GOLGA4: variants seen among roughly 807,000 people sequenced by gnomAD.
The protein encoded by GOLGA4 is golgin A4.
In GOLGA4, 169 loss-of-function variants were observed where a neutral mutation model predicts 265.9. That is an observed-to-expected ratio of 0.64 (90% CI 0.56 to 0.72). The LOEUF (loss-of-function observed/expected upper bound fraction) is 0.72. Ranked by LOEUF, GOLGA4 falls within the 30% of genes least tolerant of loss-of-function variation. The pLI, the probability that GOLGA4 is intolerant of heterozygous loss-of-function variation, is 0.00. For synonymous variants in GOLGA4, 923 were observed against 855.8 expected (o/e 1.08, Z -1.37); for missense variants, 2,482 against 2,483.4 (o/e 1.00, Z 0.01).
At chr3:37,321,605 T>C (rs1438845080) in intron 12 of GOLGA4, 126 bp from the exon 13 acceptor site, 2 of 783,522 alleles carry the variant, frequency 2.6e-6, no homozygotes, top group East Asian at 2.6e-5. Flanking sequence ...AGGAGAGAGA[T>C]GATGACGTTA....
At chr3:37,305,814 A>G (rs1221051512) in intron 10 of GOLGA4, among the ~76,000 whole-genome samples, 1 of 152,200 alleles carries the variant, frequency 6.6e-6, no homozygotes, top group Admixed American at 6.5e-5. Flanking sequence ...ATTGCTGGTA[A>G]TTCTTGATGT....
intron 5 of GOLGA4, among the ~76,000 whole-genome samples, chr3:37,293,067 T>C (rs370166942): frequency 6.6e-6 from 1 of 152,240 alleles, no homozygotes; most frequent in African/African-American, 2.4e-5. Flanking sequence ...AGGGAGTTGC[T>C]TATAATTCTT....
rs146129357 is a variant in GOLGA4, at chr3:37,254,768, C to G, written c.162+3284C>G. On this transcript the variant is annotated intron_variant, in intron 2 of 23. Coordinates refer to ENST00000361924, the MANE Select transcript of GOLGA4 (RefSeq NM_002078.5). ...CTGCCTGCCTCGGCCTCCCAAAGTGCTGGGATTACGGGCGCGAGCCACTGT... is the reference window on the plus strand; with the variant it reads ...CTGCCTGCCTCGGCCTCCCAAAGTGGTGGGATTACGGGCGCGAGCCACTGT... 5.9e-3 allele frequency among the ~76,000 whole-genome samples: 895 copies of G among 150,772 alleles called. 6 individuals carry two copies. Among genetic ancestry groups the G allele is most frequent in the African/African-American group, 0.021 (848 of 41,310 alleles).
chr3:37,354,149 A>T (rs1033334146), intron 21 of GOLGA4, among the ~76,000 whole-genome samples: 7 of 151,940 alleles, frequency 4.6e-5, no homozygotes, highest in Non-Finnish European at 1.0e-4. Context: ...AGTCTCCAAA[A>T]TTTTTGGTTA....
intron 2 of GOLGA4, among the ~76,000 whole-genome samples, chr3:37,268,351 T>A (rs1003066830): frequency 6.6e-6 from 1 of 152,136 alleles, no homozygotes; most frequent in Non-Finnish European, 1.5e-5. Flanking sequence ...CACAAAGTGC[T>A]TGGATTACAG....
At position 37,275,783 on chromosome 3, in the gene GOLGA4, C is replaced by T. The variant is rs2096815833; in HGVS notation, c.163-6175C>T. The stretch of plus-strand genomic sequence containing the variant: ...TGGAGCATTGGATTTGCTAAAGGAG[C>T]TTAAGAATATTCCTATGACCCTGGA... On this transcript the variant is annotated intron_variant, in intron 2 of 23. Coordinates refer to ENST00000361924, the MANE Select transcript of GOLGA4 (RefSeq NM_002078.5). 1.9e-5 allele frequency: 31 copies of T among 1,613,444 alleles called. 2 individuals carry two copies. The South Asian group carries it at 2.5e-4, about 13-fold the overall frequency.
In GOLGA4 at chr3:37,335,041, T is replaced by C; in HGVS notation, c.6193-12T>C. On this transcript the variant is annotated splice_polypyrimidine_tract_variant and intron_variant, in intron 16 of 23. Transcript: ENST00000361924. ...TTCTTTTCCTTTTTTTCTTTTTTTT[T>C]AAATCCTAAAGGCTCGTGAAGAAGA... 6.8e-7 allele frequency: 1 copy of C among 1,470,524 alleles called. No homozygotes were observed. Among genetic ancestry groups the C allele is most frequent in the Non-Finnish European group, 9.3e-7 (1 of 1,079,708 alleles). The allele number at this position is 1,470,524 out of a possible 1,614,324, so 91.1% of individuals were successfully genotyped here. A position where few individuals can be genotyped will look rare whatever the true frequency, so the allele number is the denominator to read the frequency against.
At chr3:37,296,284 ACCTTTAATC>A in intron 7 of GOLGA4, 65 bp downstream of exon 7, 1 of 1,519,876 alleles carries the variant, frequency 6.6e-7, no homozygotes, top group Non-Finnish European at 9.0e-7. Context: ...CTTGGCTTAC[ACCTTTAATC>A]CCAACACTTT....
At chr3:37,262,302 T>C (rs61352501) in intron 2 of GOLGA4, among the ~76,000 whole-genome samples, 160 of 152,170 alleles carry the variant, frequency 1.1e-3, no homozygotes, top group African/African-American at 3.3e-3. Flanking sequence ...GGCCAGGAGT[T>C]CAAGACCAGC....
intron 23 of GOLGA4, among the ~76,000 whole-genome samples, chr3:37,364,008 T>G (rs564616068): frequency 1.3e-5 from 2 of 152,332 alleles, no homozygotes; most frequent in Middle Eastern, 6.8e-3. Context: ...CTTCTTTAGG[T>G]TCCTAGGACC....
chr3:37,278,813 C>CTTTTTT (rs1267375433), intron 2 of GOLGA4, among the ~76,000 whole-genome samples: 1 of 131,398 alleles, frequency 7.6e-6, no homozygotes. Flanking sequence ...AGTTTGTTTA[C>CTTTTTT]TTTTTTTTTT....
At chr3:37,323,116 CTTT>C (rs567838649) in intron 13 of GOLGA4, among the ~76,000 whole-genome samples, 38,854 of 113,396 alleles carry the variant, frequency 0.34, 6,506 homozygotes, top group Non-Finnish European at 0.41. Context: ...TTCCTTTTGT[CTTT>C]TTTTTTTTTT....
intron 3 of GOLGA4, among the ~76,000 whole-genome samples, chr3:37,284,422 G>C (rs1398781141): frequency 6.6e-6 from 1 of 151,916 alleles, no homozygotes; most frequent in African/African-American, 2.4e-5. Context: ...CTCAGCTAAT[G>C]TTTGCGTTTT....
chr3:37,243,480 C>G lies in GOLGA4; in HGVS notation c.-71C>G. On this transcript the variant is annotated 5_prime_UTR_variant, in exon 1 of 24. Transcript: ENST00000361924. Reference sequence around the variant, plus strand: ...GGTGTAAAGAAGTCGCCGTAGCCGTCGCGGCCGGGACTCCCCGGGCTCTCG... The same window carrying G: ...GGTGTAAAGAAGTCGCCGTAGCCGTGGCGGCCGGGACTCCCCGGGCTCTCG... 7.4e-7 allele frequency: 1 copy of G among 1,360,044 alleles called. No individual in the cohort carries two copies. Among genetic ancestry groups the G allele is most frequent in the Non-Finnish European group, 1.1e-6 (1 of 949,270 alleles). The allele number at this position is 1,360,044 out of a possible 1,614,324, so 84.2% of individuals were successfully genotyped here.
chr3:37,281,890 G>C (rs1332267223), intron 2 of GOLGA4, 68 bp from the exon 3 acceptor site: 2 of 1,016,710 alleles, frequency 2.0e-6, no homozygotes, highest in East Asian at 4.8e-5. Flanking sequence ...ATTATTGCTG[G>C]TGATGGGGTA....
Position 37,324,853 on chromosome 3 carries a change from T to C in GOLGA4, c.2967T>C (p.Ala989=). ...TTAAGAAAGAGCTTGAAAATACTGCTCTAGAGCTTAGTCAGAAAGAAAAAC... is the reference window on the plus strand; with the variant it reads ...TTAAGAAAGAGCTTGAAAATACTGCCCTAGAGCTTAGTCAGAAAGAAAAAC... ...AKLKKELENT[A]LELSQKEKQF... The change falls in exon 14 of 24, where the codon GCT becomes GCC. Residue 989 remains alanine (A), a synonymous_variant. Coordinates refer to ENST00000361924, the MANE Select transcript of GOLGA4 (RefSeq NM_002078.5). 1.9e-6 allele frequency: 3 copies of C among 1,594,184 alleles called. No individual in the cohort carries two copies. Among genetic ancestry groups the C allele is most frequent in the Middle Eastern group, 1.7e-4 (1 of 5,930 alleles).
chr3:37,365,559 G>C (rs1370336682), intron 23 of GOLGA4, among the ~76,000 whole-genome samples: 3 of 151,594 alleles, frequency 2.0e-5, no homozygotes, highest in African/African-American at 7.3e-5. Context: ...TGAGCCACTG[G>C]GTCCAGCCTG....
At chr3:37,270,283 G>C (rs1578426325) in intron 2 of GOLGA4, among the ~76,000 whole-genome samples, 1 of 145,718 alleles carries the variant, frequency 6.9e-6, no homozygotes, top group South Asian at 2.2e-4. Context: ...TTGGCGCACT[G>C]CAGCCTCTGC....
At position 37,332,876 on chromosome 3, in the gene GOLGA4, A is replaced by G. The variant is rs144769054; in HGVS notation, c.6193-2177A>G. Among the ~76,000 whole-genome samples, 33 of 152,098 alleles carry G rather than the reference A, an allele frequency of 2.2e-4. No individual in the cohort carries two copies. The East Asian group carries it at 6.0e-3, about 28-fold the overall frequency. ...TTTTTTTTGAAACCTCTTAAATGTA[A>G]TTAATTGCATCTGTGTTCCTTGTTA... is the stretch of plus-strand genomic sequence containing the variant. On this transcript the variant is annotated intron_variant, in intron 16 of 23. Coordinates refer to ENST00000361924, the MANE Select transcript of GOLGA4 (RefSeq NM_002078.5).
Sources: gnomAD v4.1 joint callset for allele counts (sites outside exome capture counted in the v4.1 genomes callset) on GRCh38, gnomAD v4.1.1 for gene constraint, MANE v1.5 for transcripts, NCBI Gene and HGNC (gene_info 2026-07-23, HGNC 2026-07-21) for gene names.